CD86: variants seen among roughly 807,000 people sequenced by gnomAD.
CD86 encodes the protein T-lymphocyte activation antigen CD86.
In CD86, 11 loss-of-function variants were observed where a neutral mutation model predicts 32.1. That is an observed-to-expected ratio of 0.34 (90% CI 0.22 to 0.57). The LOEUF (loss-of-function observed/expected upper bound fraction) is 0.57. Ranked by LOEUF, CD86 falls within the 20% of genes least tolerant of loss-of-function variation. CD86 has a pLI of 0.86. For missense variants in CD86, 359 were observed against 398.4 expected (o/e 0.90, Z 0.84); for synonymous variants, 137 against 135.3 (o/e 1.01, Z -0.09).
intron 1 of CD86, among the ~76,000 whole-genome samples, chr3:122,082,340 A>C (rs2072646230): frequency 1.3e-5 from 2 of 152,222 alleles, no homozygotes; most frequent in Admixed American, 6.5e-5. Context: ...GGGCCCTTAC[A>C]TATTTGCAGA....
intron 2 of CD86, among the ~76,000 whole-genome samples, chr3:122,095,203 A>C: frequency 7.3e-6 from 1 of 137,800 alleles, no homozygotes; most frequent in Non-Finnish European, 1.5e-5. Flanking sequence ...ATGGAGTCTC[A>C]CTCTGTTGCC....
intron 1 of CD86, chr3:122,086,547 T>C: frequency 4.3e-6 from 2 of 467,648 alleles, no homozygotes; most frequent in Non-Finnish European, 4.3e-6. Context: ...CTTCTAGATA[T>C]GGCTTAGATG....
chr3:122,058,390 G>A (rs1345537186), intron 1 of CD86, among the ~76,000 whole-genome samples: 1 of 152,166 alleles, frequency 6.6e-6, no homozygotes, highest in Non-Finnish European at 1.5e-5. Flanking sequence ...GGCAGGTGAA[G>A]TTAAGGAAAC....
At chr3:122,082,814 T>C (rs2072652848) in intron 1 of CD86, among the ~76,000 whole-genome samples, 1 of 152,222 alleles carries the variant, frequency 6.6e-6, no homozygotes. Flanking sequence ...ATCTGTCTCA[T>C]TTTGTGCCAT....
chr3:122,070,354 C>A (rs542318112), intron 1 of CD86, among the ~76,000 whole-genome samples: 60 of 152,076 alleles, frequency 3.9e-4, no homozygotes, highest in African/African-American at 1.4e-3. Flanking sequence ...TTCCCCAGGG[C>A]AGCTAGGGAG....
At chr3:122,056,007 GT>G (rs1259487760) in intron 1 of CD86, among the ~76,000 whole-genome samples, 1 of 152,178 alleles carries the variant, frequency 6.6e-6, no homozygotes, top group African/African-American at 2.4e-5. Flanking sequence ...GGGTTGGGTA[GT>G]GGAAGGAGGT....
chr3:122,072,299 C>T (rs1252738085), intron 1 of CD86, among the ~76,000 whole-genome samples: 13 of 149,854 alleles, frequency 8.7e-5, no homozygotes, highest in African/African-American at 1.5e-4. Context: ...CCTGAGGAAT[C>T]GCCACACTGA....
intron 2 of CD86, among the ~76,000 whole-genome samples, chr3:122,102,034 C>T (rs2073017979): frequency 6.6e-6 from 1 of 152,108 alleles, no homozygotes; most frequent in South Asian, 2.1e-4. Flanking sequence ...CTGCTGTCTG[C>T]TTCCCTAAGA....
At chr3:122,058,385 G>A (rs963355705) in intron 1 of CD86, among the ~76,000 whole-genome samples, 4 of 152,150 alleles carry the variant, frequency 2.6e-5, no homozygotes, top group Non-Finnish European at 5.9e-5. Flanking sequence ...AGAAAGGCAG[G>A]TGAAGTTAAG....
intron 5 of CD86, among the ~76,000 whole-genome samples, chr3:122,112,611 A>G (rs1303335308): frequency 6.6e-6 from 1 of 152,262 alleles, no homozygotes; most frequent in Admixed American, 6.5e-5. Context: ...ACTGAAAGTT[A>G]GTGATATCAT....
At position 122,091,222 on chromosome 3, in the gene CD86, C is replaced by A. The variant is rs4678194; in HGVS notation, c.15-379C>A. ...TATTAGTTTATTAAGCAAACCAGAT[C>A]TCTTCCATTGTGAGACTTTGCGATT... is the stretch of plus-strand genomic sequence containing the variant. On this transcript the variant is annotated intron_variant, in intron 1 of 6. Coordinates refer to ENST00000330540, the MANE Select transcript of CD86 (RefSeq NM_175862.5). Among the ~76,000 whole-genome samples the A allele has an allele frequency of 7.3e-3, 1,108 of 152,310 alleles. 68 individuals carry two copies. Among genetic ancestry groups the A allele is most frequent in the Admixed American group, 0.064 (979 of 15,292 alleles).
intron 1 of CD86, among the ~76,000 whole-genome samples, chr3:122,082,854 T>A (rs991011754): frequency 1.3e-5 from 2 of 152,252 alleles, no homozygotes; most frequent in African/African-American, 2.4e-5. Context: ...TTTCTGTTGC[T>A]TTTATTAGTA....
intron 1 of CD86, among the ~76,000 whole-genome samples, chr3:122,085,903 G>A (rs919779343): frequency 6.6e-6 from 1 of 152,154 alleles, no homozygotes; most frequent in African/African-American, 2.4e-5. Context: ...AGTATGAATC[G>A]GCAGAAGGCA....
chr3:122,078,754 T>C lies in CD86; in HGVS notation c.15-12847T>C, dbSNP rs79579250. On this transcript the variant is annotated intron_variant, in intron 1 of 6. Coordinates refer to ENST00000330540, the MANE Select transcript of CD86 (RefSeq NM_175862.5). ...CATCTCTATTAATAGCAATTTAAGGTTCTGGAGAGCCAGGTGAAAATAGTT... is the reference window on the plus strand; with the variant it reads ...CATCTCTATTAATAGCAATTTAAGGCTCTGGAGAGCCAGGTGAAAATAGTT... Among the ~76,000 whole-genome samples the C allele has an allele frequency of 5.3e-3, 807 of 152,352 alleles. 11 individuals are homozygous for C. The highest frequency in any genetic ancestry group is 0.018 in the African/African-American group (748 of 41,578).
chr3:122,081,899 T>C (rs1559902928), intron 1 of CD86, among the ~76,000 whole-genome samples: 1 of 152,144 alleles, frequency 6.6e-6, no homozygotes, highest in Non-Finnish European at 1.5e-5. Flanking sequence ...AAGCCCTGGA[T>C]CACTTGTAGC....
chr3:122,080,342 G>A (rs2072614329), intron 1 of CD86, among the ~76,000 whole-genome samples: 1 of 152,122 alleles, frequency 6.6e-6, no homozygotes, highest in African/African-American at 2.4e-5. Flanking sequence ...AATAGGGTGT[G>A]CCTTGATTCA....
At chr3:122,093,183 A>G (rs2072852881) in intron 2 of CD86, among the ~76,000 whole-genome samples, 1 of 151,968 alleles carries the variant, frequency 6.6e-6, no homozygotes, top group South Asian at 2.1e-4. Context: ...TTGAGACAGC[A>G]TCTTTCTCTG....
rs2073330953 is a variant in CD86 at position 122,120,659 on chromosome 3, T to A, written c.*1125T>A. Reference sequence around the variant, plus strand: ...GGATGAATGGAAGGAGGCTTAGGACTTTCCACTCCTGGCTGAGAGAGGAAG... The same window carrying A: ...GGATGAATGGAAGGAGGCTTAGGACATTCCACTCCTGGCTGAGAGAGGAAG... On this transcript the variant is annotated 3_prime_UTR_variant, in exon 7 of 7. Coordinates refer to ENST00000330540, the MANE Select transcript of CD86 (RefSeq NM_175862.5). 1 of 152,254 alleles carries A rather than the reference T, an allele frequency of 6.6e-6. No individual in the cohort carries two copies. Among genetic ancestry groups the A allele is most frequent in the African/African-American group, 2.4e-5 (1 of 41,430 alleles). The allele number at this position is 152,254 out of a possible 1,614,324, so 9.4% of individuals were successfully genotyped here.
intron 5 of CD86, among the ~76,000 whole-genome samples, chr3:122,113,500 A>G (rs1371490790): frequency 6.6e-6 from 1 of 152,202 alleles, no homozygotes; most frequent in African/African-American, 2.4e-5. Flanking sequence ...TTTTCACCAC[A>G]TCCATGCCAA....
Sources: allele counts gnomAD v4.1 joint callset (sites outside exome capture counted in the v4.1 genomes callset), GRCh38; gene constraint gnomAD v4.1.1; transcripts MANE v1.5; gene names NCBI Gene and HGNC (gene_info 2026-07-23, HGNC 2026-07-21).